GPM6A: variants seen among roughly 807,000 people sequenced by gnomAD.
The protein encoded by GPM6A is glycoprotein M6A.
In GPM6A, 7 loss-of-function variants were observed where a neutral mutation model predicts 32.1. The observed-to-expected ratio is 0.22, with a 90% confidence interval of 0.12 to 0.41. The LOEUF is 0.41. GPM6A is among the 10% of genes least tolerant of loss of function. GPM6A has a pLI of 1.00. For missense variants in GPM6A, 235 were observed against 347.2 expected (o/e 0.68, Z 2.57); for synonymous variants, 130 against 123.4 (o/e 1.05, Z -0.35).
chr4:175,993,870 G>A (rs948657197), intron 1 of GPM6A, among the ~76,000 whole-genome samples: 3 of 152,114 alleles, frequency 2.0e-5, no homozygotes, highest in African/African-American at 4.8e-5. Flanking sequence ...TTCATCAGAC[G>A]CAGTATTTAC....
At chr4:175,731,285 C>T (rs866798413) in intron 1 of GPM6A, among the ~76,000 whole-genome samples, 3 of 152,106 alleles carry the variant, frequency 2.0e-5, no homozygotes, top group African/African-American at 7.2e-5. Context: ...TGATGCACAG[C>T]CGGTCCGTGT....
Position 175,867,086 on chromosome 4 carries a change from A to G in GPM6A, c.-22-54837T>C, listed in dbSNP as rs1736763131. ...AGGGGTCTGTTAAGGTCTTTGGCCT[A>G]CTTTTTAACGGGGATTTTTAAATTT... is the stretch of plus-strand genomic sequence containing the variant. On this transcript the variant is annotated intron_variant, in intron 1 of 7. Coordinates refer to the GPM6A transcript ENST00000280187. Among the ~76,000 whole-genome samples, 3 of 152,284 alleles carry G rather than the reference A, an allele frequency of 2.0e-5. No individual in the cohort carries two copies. In the South Asian group the frequency reaches 6.2e-4, roughly 32 times the overall value.
chr4:175,869,745 A>C (rs1317394894), intron 1 of GPM6A, among the ~76,000 whole-genome samples: 1 of 151,306 alleles, frequency 6.6e-6, no homozygotes, highest in Non-Finnish European at 1.5e-5. Context: ...TGACAGAACA[A>C]GACTCCGTCT....
At chr4:175,948,150 A>T (rs1306253965) in intron 1 of GPM6A, among the ~76,000 whole-genome samples, 4 of 152,080 alleles carry the variant, frequency 2.6e-5, no homozygotes, top group African/African-American at 9.7e-5. Flanking sequence ...TGTTTTTGTG[A>T]TTTTTTGCTC....
At chr4:175,765,314 T>C (rs1485976612) in intron 1 of GPM6A, among the ~76,000 whole-genome samples, 1 of 152,214 alleles carries the variant, frequency 6.6e-6, no homozygotes, top group Non-Finnish European at 1.5e-5. Flanking sequence ...CCATTTTACT[T>C]GGACTCTTCC....
chr4:175,688,165 C>T (rs1744097439), intron 2 of GPM6A, among the ~76,000 whole-genome samples: 1 of 151,982 alleles, frequency 6.6e-6, no homozygotes. Context: ...ACTCTGTTGA[C>T]TGTTTCCTTT....
intron 1 of GPM6A, among the ~76,000 whole-genome samples, chr4:175,702,430 G>C (rs1230227456): frequency 6.6e-6 from 1 of 151,980 alleles, no homozygotes; most frequent in Non-Finnish European, 1.5e-5. Flanking sequence ...TTCTTTTTAC[G>C]TAAGTGTGTT....
intron 1 of GPM6A, among the ~76,000 whole-genome samples, chr4:175,980,435 G>T (rs1277728131): frequency 6.6e-6 from 1 of 152,156 alleles, no homozygotes; most frequent in Non-Finnish European, 1.5e-5. Context: ...TGAATGTACT[G>T]ACAACAGGAT....
chr4:175,979,788 C>G (rs1393712140), intron 1 of GPM6A, among the ~76,000 whole-genome samples: 1 of 152,072 alleles, frequency 6.6e-6, no homozygotes, highest in Non-Finnish European at 1.5e-5. Context: ...TAATTGATAG[C>G]TTTATTCTAT....
At chr4:175,711,602 T>C (rs1276254851) in intron 1 of GPM6A, among the ~76,000 whole-genome samples, 3 of 150,604 alleles carry the variant, frequency 2.0e-5, no homozygotes, top group African/African-American at 7.3e-5. Context: ...TGTATTTCTT[T>C]TTACCTAAAA....
intron 3 of GPM6A, among the ~76,000 whole-genome samples, chr4:175,669,516 C>T (rs138664486): frequency 1.2e-4 from 19 of 152,258 alleles, no homozygotes; most frequent in South Asian, 6.2e-4. Flanking sequence ...ATCACGTTGA[C>T]GCTCAAAAAG....
chr4:175,941,023 C>G lies in GPM6A; in HGVS notation c.-23+61286G>C, dbSNP rs142392967. Among the ~76,000 whole-genome samples, 156 of 152,342 alleles carry G rather than the reference C, an allele frequency of 1.0e-3. 1 individual carries two copies. Among genetic ancestry groups the G allele is most frequent in the Non-Finnish European group, 2.1e-3 (140 of 68,036 alleles). The stretch of plus-strand genomic sequence containing the variant: ...CATGGCAGGATGTTGGGAGAAATTA[C>G]TAGTGTCCCTGGCGTACAGGAGCTT... On this transcript the variant is annotated intron_variant, in intron 1 of 7. Transcript: ENST00000280187.
At chr4:175,768,512 GAATA>G (rs1392675410) in intron 1 of GPM6A, among the ~76,000 whole-genome samples, 1 of 151,636 alleles carries the variant, frequency 6.6e-6, no homozygotes, top group Admixed American at 6.6e-5. Context: ...ACAGAAAAGA[GAATA>G]AAAACTAAAA....
At chr4:175,706,215 G>A (rs1745179702) in intron 1 of GPM6A, among the ~76,000 whole-genome samples, 2 of 151,990 alleles carry the variant, frequency 1.3e-5, no homozygotes, top group South Asian at 4.1e-4. Flanking sequence ...AAAGAAAATA[G>A]AAGAAATAGA....
chr4:175,987,126 T>C (rs1319951358), intron 1 of GPM6A, among the ~76,000 whole-genome samples: 4 of 152,236 alleles, frequency 2.6e-5, no homozygotes, highest in Non-Finnish European at 5.9e-5. Context: ...CCTACGGTTT[T>C]ATTATTATAC....
chr4:175,640,008 A>G, intron 6 of GPM6A, 121 bp downstream of exon 6: 2 of 824,504 alleles, frequency 2.4e-6, no homozygotes, highest in African/African-American at 3.3e-5. Flanking sequence ...ACTTTTTTTA[A>G]TCTGATGACA....
intron 3 of GPM6A, among the ~76,000 whole-genome samples, chr4:175,667,020 A>G (rs1293356575): frequency 6.6e-6 from 1 of 152,234 alleles, no homozygotes; most frequent in African/African-American, 2.4e-5. Context: ...ATCACATTCT[A>G]CAATTTAATT....
At chr4:175,966,299 G>A (rs1257005786) in intron 1 of GPM6A, among the ~76,000 whole-genome samples, 3 of 151,998 alleles carry the variant, frequency 2.0e-5, no homozygotes, top group Admixed American at 6.6e-5. Flanking sequence ...CTACTCAGGA[G>A]GCTGAGGTGA....
chr4:175,707,013 T>G (rs915231361), intron 1 of GPM6A, among the ~76,000 whole-genome samples: 4 of 152,206 alleles, frequency 2.6e-5, no homozygotes, highest in African/African-American at 7.2e-5. Context: ...TTACCCTACA[T>G]GGTCTAAAAA....
Sources: gnomAD v4.1 joint callset for allele counts (sites outside exome capture counted in the v4.1 genomes callset) on GRCh38, gnomAD v4.1.1 for gene constraint, MANE v1.5 for transcripts, NCBI Gene and HGNC (gene_info 2026-07-23, HGNC 2026-07-21) for gene names.